Variants in FAM83A observed in about 807,000 individuals in gnomAD.
The protein encoded by FAM83A is scaffolding CK1 anchoring protein A.
FAM83A carries 21 observed loss-of-function variants against 24.4 expected under a neutral mutation model. The observed-to-expected ratio is 0.86, with a 90% CI of 0.61 to 1.24. FAM83A has a LOEUF of 1.24. FAM83A is among the 50% of genes most tolerant of loss of function. The pLI, the probability that FAM83A is intolerant of heterozygous loss-of-function variation, is 0.00. For synonymous variants in FAM83A, 270 were observed against 252.4 expected, an observed-to-expected ratio of 1.07 and a Z score of -0.66; for missense variants, 617 against 579.8, an observed-to-expected ratio of 1.06 and a Z score of -0.66.
Position 123,209,222 on chromosome 8 carries a change from G to C in FAM83A, c.*1534G>C. 8.2e-7 allele frequency: 1 copy of C among 1,213,512 alleles called. No homozygotes were observed. Among genetic ancestry groups the C allele is most frequent in the Non-Finnish European group, 1.0e-6 (1 of 980,202 alleles). 75.2% of individuals were successfully genotyped at this position (1,213,512 alleles called of 1,614,324 possible). On this transcript the variant is annotated 3_prime_UTR_variant, in exon 4 of 4. Coordinates refer to ENST00000690554, the Ensembl canonical transcript of FAM83A. This position sits in a 1 kb window ranked among gnomAD's most constrained non-coding sequence, Gnocchi z 4.7. ...AGCTCAGCCTTCGCTGTGGAGGGAC[G>C]AGAGCACAGAGCTCTTCCTCCTGGT... is the stretch of plus-strand genomic sequence containing the variant.
chr8:123,187,761 G>A (rs1391630851), intron 1 of FAM83A, among the ~76,000 whole-genome samples: 13 of 152,186 alleles, frequency 8.5e-5, no homozygotes, highest in Admixed American at 5.9e-4. Flanking sequence ...GGCAAGTCAG[G>A]GCCAGTGGAG....
chr8:123,193,919 T>C, intron 2 of FAM83A, 105 bp from the exon 3 acceptor site: 4 of 1,431,126 alleles, frequency 2.8e-6, no homozygotes, highest in Non-Finnish European at 3.8e-6. Context: ...GGATTAGGTT[T>C]CAACACAGAA....
chr8:123,197,065 G>A (rs868763261), intron 3 of FAM83A, among the ~76,000 whole-genome samples: 11 of 151,912 alleles, frequency 7.2e-5, no homozygotes, highest in Non-Finnish European at 1.3e-4. Context: ...TGGATGAGCT[G>A]TCTCTGAGTC....
intron 3 of FAM83A, among the ~76,000 whole-genome samples, chr8:123,206,626 G>A (rs180697277): frequency 1.3e-5 from 2 of 152,320 alleles, no homozygotes; most frequent in African/African-American, 4.8e-5. Context: ...CTAAGGGGCT[G>A]CAATCTGAGC....
At chr8:123,207,171 G>T in exon 4 of FAM83A, 2 of 1,570,058 alleles carry the variant, frequency 1.3e-6, no homozygotes, top group Non-Finnish European at 1.7e-6. Context: ...ACCTGGCTCT[G>T]CGGACACGTG....
chr8:123,184,139 G>C (rs1487654651), intron 1 of FAM83A, among the ~76,000 whole-genome samples: 1 of 152,130 alleles, frequency 6.6e-6, no homozygotes, highest in Non-Finnish European at 1.5e-5. Flanking sequence ...TGTAGAGCTT[G>C]TCTTTGGGCC....
chr8:123,190,789 C>G (rs1383972332), intron 1 of FAM83A, among the ~76,000 whole-genome samples: 1 of 152,200 alleles, frequency 6.6e-6, no homozygotes, highest in East Asian at 1.9e-4. Context: ...CTGTCTCTAC[C>G]TCCTGGCTGC....
At chr8:123,207,729 G>A in exon 4 of FAM83A, 1 of 1,426,468 alleles carries the variant, frequency 7.0e-7, no homozygotes, top group Non-Finnish European at 9.1e-7. Flanking sequence ...CCAGGGCTGG[G>A]CACTCCCTGA....
chr8:123,182,887 C>T (rs766405780), exon 1 of FAM83A: 31 of 1,523,816 alleles, frequency 2.0e-5, no homozygotes, highest in Non-Finnish European at 2.5e-5. Context: ...GGGCAAAATC[C>T]GGAAGCGTCT....
intron 3 of FAM83A, among the ~76,000 whole-genome samples, chr8:123,196,911 A>G (rs780374880): frequency 2.6e-5 from 4 of 152,138 alleles, no homozygotes; most frequent in African/African-American, 9.7e-5. Flanking sequence ...TTGTTTAGCT[A>G]CTTTTCCTGG....
intron 3 of FAM83A, among the ~76,000 whole-genome samples, chr8:123,206,646 G>A (rs1481729996): frequency 6.6e-6 from 1 of 152,166 alleles, no homozygotes; most frequent in African/African-American, 2.4e-5. Context: ...CACCAGGAGG[G>A]AGCCTTGAGA....
intron 1 of FAM83A, among the ~76,000 whole-genome samples, chr8:123,184,713 T>G (rs1823732998): frequency 1.3e-5 from 2 of 152,190 alleles, no homozygotes; most frequent in South Asian, 4.1e-4. Flanking sequence ...TGCCCACACC[T>G]CACTCCTGCT....
upstream of FAM83A, chr8:123,179,528 A>T (rs1256799956): frequency 1.3e-5 from 2 of 152,186 alleles, no homozygotes; most frequent in East Asian, 3.8e-4. Context: ...GATAATCCCT[A>T]TAAAGAGTGG....
chr8:123,205,380 C>T (rs1240555276), intron 3 of FAM83A, among the ~76,000 whole-genome samples: 1 of 152,274 alleles, frequency 6.6e-6, no homozygotes. Context: ...TGTCCCTGCG[C>T]TTGCCTCCTG....
exon 4 of FAM83A, chr8:123,207,629 C>A: frequency 6.4e-7 from 1 of 1,551,392 alleles, no homozygotes. Flanking sequence ...GCAGCTGGGC[C>A]TGGTGCCGAG....
exon 2 of FAM83A, chr8:123,191,835 T>C: frequency 6.2e-7 from 1 of 1,614,116 alleles, no homozygotes. Context: ...TGTTCACGGA[T>C]GTGGAGATCT....
intron 1 of FAM83A, among the ~76,000 whole-genome samples, chr8:123,190,864 G>C (rs1300636907): frequency 2.0e-5 from 3 of 152,150 alleles, no homozygotes; most frequent in Non-Finnish European, 2.9e-5. Flanking sequence ...ATGGTTGCCA[G>C]CAGCCATTGC....
At chr8:123,206,506 C>G (rs1824555861) in intron 3 of FAM83A, among the ~76,000 whole-genome samples, 1 of 152,198 alleles carries the variant, frequency 6.6e-6, no homozygotes, top group Non-Finnish European at 1.5e-5. Flanking sequence ...CGCGCTGGCC[C>G]TCCACATTCC....
At position 123,209,595 on chromosome 8, in the gene FAM83A, G is replaced by T. The variant is rs923401783; in HGVS notation, c.*1907G>T. 3.2e-5 allele frequency: 51 copies of T among 1,602,960 alleles called. No individual in the cohort carries two copies. The highest frequency in any genetic ancestry group is 1.6e-4 in the Middle Eastern group (1 of 6,066). ...TCCAAATTGGATTTCACCATCTGCT[G>T]AGAAAGTTTAAGGAAGGCAAAGCTT... On this transcript the variant is annotated 3_prime_UTR_variant, in exon 4 of 4. Transcript: ENST00000690554. The surrounding 1 kb of genome is among the most constrained non-coding windows in gnomAD (Gnocchi z 4.7).
Sources: allele counts gnomAD v4.1 joint callset (sites outside exome capture counted in the v4.1 genomes callset), GRCh38; gene constraint gnomAD v4.1.1; non-coding constraint Gnocchi (gnomAD v3.1); transcripts MANE v1.5; gene names NCBI Gene and HGNC (gene_info 2026-07-23, HGNC 2026-07-21).